The following SH3BGR variants were observed in gnomAD, a reference collection of about 807,000 sequenced individuals.
SH3BGR encodes SH3 domain binding glutamate rich protein.
A neutral mutation model predicts 24.5 loss-of-function variants in SH3BGR; 29 were observed. The ratio of observed to expected loss-of-function variants is 1.18; its 90% CI spans 0.88 to 1.61. The LOEUF (loss-of-function observed/expected upper bound fraction) is 1.61. SH3BGR is among the 40% of genes most tolerant of loss of function. The pLI, the probability that SH3BGR is intolerant of heterozygous loss-of-function variation, is 0.00. For missense variants in SH3BGR, 162 were observed against 205.8 expected, an observed-to-expected ratio of 0.79 and a Z score of 1.30; for synonymous variants, 55 against 65.7, an observed-to-expected ratio of 0.84 and a Z score of 0.79.
Position 39,491,218 on chromosome 21 carries a change from C to T in SH3BGR, c.313-8605C>T, listed in dbSNP as rs192273318. ...TTTATTTTTAGAGACGGAGTGATCT[C>T]GGCTCACTGCAACCTCCGCCTCCCA... On this transcript the variant is annotated intron_variant, in intron 3 of 6. Transcript: ENST00000333634. Among the ~76,000 whole-genome samples, 401 of 151,556 alleles carry T rather than the reference C, an allele frequency of 2.6e-3. 2 individuals carry two copies. The highest frequency in any genetic ancestry group is 9.0e-3 in the African/African-American group (371 of 41,284).
intron 4 of SH3BGR, 48 bp downstream of exon 4, chr21:39,499,963 C>T (rs774782842): frequency 1.8e-5 from 24 of 1,351,384 alleles, no homozygotes; most frequent in African/African-American, 1.3e-4. Flanking sequence ...CTCTGCTGTT[C>T]GAGACTTTTA....
intron 3 of SH3BGR, among the ~76,000 whole-genome samples, chr21:39,482,720 A>T (rs1569162741): frequency 6.6e-6 from 1 of 152,006 alleles, no homozygotes; most frequent in Non-Finnish European, 1.5e-5. Context: ...CCCAGGCTGG[A>T]ATGCGGTTGC....
chr21:39,511,502 G>A lies in SH3BGR; in HGVS notation c.436-178G>A, dbSNP rs914644849. 3.3e-5 allele frequency among the ~76,000 whole-genome samples: 5 copies of A among 149,680 alleles called. No individual in the cohort carries two copies. Among genetic ancestry groups the A allele is most frequent in the Admixed American group, 1.3e-4 (2 of 15,008 alleles). ...GGTATGTGTGTGGGGTGTGTGTGTGGCATGTGTTTGTGTGGCATGTGTGGT... is the reference window on the plus strand; with the variant it reads ...GGTATGTGTGTGGGGTGTGTGTGTGACATGTGTTTGTGTGGCATGTGTGGT... On this transcript the variant is annotated intron_variant, in intron 5 of 6. Coordinates refer to ENST00000333634, the MANE Select transcript of SH3BGR (RefSeq NM_007341.3). This position sits in a 1 kb window ranked among gnomAD's most constrained non-coding sequence, Gnocchi z 4.2.
intron 3 of SH3BGR, among the ~76,000 whole-genome samples, chr21:39,494,333 C>T (rs2078357611): frequency 6.6e-6 from 1 of 151,482 alleles, no homozygotes; most frequent in African/African-American, 2.4e-5. Flanking sequence ...GTGAAGTTTC[C>T]ATCTGGTGTC....
intron 4 of SH3BGR, among the ~76,000 whole-genome samples, chr21:39,503,144 C>G (rs2078525025): frequency 1.3e-5 from 2 of 152,214 alleles, no homozygotes; most frequent in South Asian, 2.1e-4. Context: ...CCCTCTACCC[C>G]CTCAGCTTTG....
intron 6 of SH3BGR, among the ~76,000 whole-genome samples, chr21:39,514,222 A>C (rs958451208): frequency 6.6e-6 from 1 of 152,114 alleles, no homozygotes; most frequent in Non-Finnish European, 1.5e-5. Flanking sequence ...CCAAAAACAA[A>C]CCCATCTCAT....
At position 39,452,160 on chromosome 21, in the gene SH3BGR, C is replaced by A. The variant is rs2077585328; in HGVS notation, c.45+19C>A. ...CATAGCGGTAGGTGTCTGGTGGACT[C>A]TTTCTTCCTATACTCTTTTCTGAAT... On this transcript the variant is annotated intron_variant, in intron 1 of 6. Transcript: ENST00000333634. 1 of 1,613,984 alleles carries A rather than the reference C, an allele frequency of 6.2e-7. No homozygotes were observed. The highest frequency in any genetic ancestry group is 8.5e-7 in the Non-Finnish European group (1 of 1,179,962).
Position 39,511,853 on chromosome 21 carries a change from C to G in SH3BGR, c.*34+44C>G. 6.5e-7 allele frequency: 1 copy of G among 1,541,928 alleles called. No homozygotes were observed. Among genetic ancestry groups the G allele is most frequent in the Non-Finnish European group, 8.7e-7 (1 of 1,146,490 alleles). On this transcript the variant is annotated intron_variant, in intron 6 of 6. Transcript: ENST00000333634. The surrounding 1 kb of genome is among the most constrained non-coding windows in gnomAD (Gnocchi z 4.2). ...GGTGGAAAAGCTGCTAGTTACCGTA[C>G]TGTATGCTATCTGCGGCACATTTTG...
intron 5 of SH3BGR, among the ~76,000 whole-genome samples, chr21:39,510,830 A>C (rs1218931637): frequency 6.7e-6 from 1 of 149,364 alleles, no homozygotes; most frequent in Non-Finnish European, 1.5e-5. Flanking sequence ...TTACAAGAAA[A>C]TGTAACCAAC....
chr21:39,458,158 T>TTCTTTGTAACAA (rs1419878128), intron 1 of SH3BGR, among the ~76,000 whole-genome samples: 2 of 152,162 alleles, frequency 1.3e-5, no homozygotes, highest in African/African-American at 4.8e-5. Flanking sequence ...CCTCAAAGTG[T>TTCTTTGTAACAA]AGTCCTTCTT....
chr21:39,453,215 A>G (rs543057559), intron 1 of SH3BGR, among the ~76,000 whole-genome samples: 2 of 152,306 alleles, frequency 1.3e-5, no homozygotes, highest in South Asian at 4.1e-4. Flanking sequence ...AGCAAGAGAA[A>G]ATAGCTTGGC....
At chr21:39,481,605 T>C (rs1479414381) in intron 3 of SH3BGR, among the ~76,000 whole-genome samples, 2 of 152,222 alleles carry the variant, frequency 1.3e-5, no homozygotes, top group Non-Finnish European at 2.9e-5. Context: ...CGCTTAAGTC[T>C]ATTAAAATTA....
rs575260270 is a variant in SH3BGR, at chr21:39,492,466, G to GTA, written c.313-7342_313-7341dup. Among the ~76,000 whole-genome samples the GTA allele has an allele frequency of 1.7e-3, 242 of 139,764 alleles. 5 individuals are homozygous for GTA. The South Asian group carries it at 0.03, about 17-fold the overall frequency. 91.7% of individuals were successfully genotyped at this position (139,764 alleles called of 152,430 possible). The stretch of plus-strand genomic sequence containing the variant: ...TTGGTGTGTGTGTGTGTGTGTGTGT[G>GTA]TATATATATATATATACACACACAC... On this transcript the variant is annotated intron_variant, in intron 3 of 6. Transcript: ENST00000333634.
In SH3BGR at chr21:39,511,638, C is replaced by T; in HGVS notation, c.436-42C>T. On this transcript the variant is annotated intron_variant, in intron 5 of 6. Transcript: ENST00000333634. This position sits in a 1 kb window ranked among gnomAD's most constrained non-coding sequence, Gnocchi z 4.2. ...GTCTTTTTCTCACTGTATCCTTGGC[C>T]CTTATGCTTCTTAATACTAATGTAA... 6.3e-7 allele frequency: 1 copy of T among 1,597,620 alleles called. No individual in the cohort carries two copies. The highest frequency in any genetic ancestry group is 8.5e-7 in the Non-Finnish European group (1 of 1,173,106).
intron 4 of SH3BGR, among the ~76,000 whole-genome samples, chr21:39,507,151 A>T (rs2078597087): frequency 6.6e-6 from 1 of 152,160 alleles, no homozygotes; most frequent in Non-Finnish European, 1.5e-5. Context: ...TAGTTTGAAG[A>T]TTCCCAGTGC....
At chr21:39,458,566 G>T (rs1256726975) in intron 1 of SH3BGR, among the ~76,000 whole-genome samples, 1 of 151,568 alleles carries the variant, frequency 6.6e-6, no homozygotes, top group African/African-American at 2.4e-5. Flanking sequence ...TCAAACTCCT[G>T]ACCTCAGGTG....
Position 39,511,575 on chromosome 21 carries a change from G to A in SH3BGR, c.436-105G>A, listed in dbSNP as rs1410577714. 18 of 1,003,002 alleles carry A rather than the reference G, an allele frequency of 1.8e-5. No individual in the cohort carries two copies. Among genetic ancestry groups the A allele is most frequent in the Non-Finnish European group, 2.5e-5 (17 of 670,988 alleles). The allele number at this position is 1,003,002 out of a possible 1,614,324, so 62.1% of individuals were successfully genotyped here. On this transcript the variant is annotated intron_variant, in intron 5 of 6. Transcript: ENST00000333634. The surrounding 1 kb of genome is among the most constrained non-coding windows in gnomAD (Gnocchi z 4.2). Reference sequence around the variant, plus strand: ...TGTTTGTTTGTGTGTTGTGTGGTGGGGTGTGGGAGGCTTTGACCTCTAGTC... The same window carrying A: ...TGTTTGTTTGTGTGTTGTGTGGTGGAGTGTGGGAGGCTTTGACCTCTAGTC...
chr21:39,461,859 A>AT (rs1470713530), intron 1 of SH3BGR, among the ~76,000 whole-genome samples: 2 of 151,890 alleles, frequency 1.3e-5, no homozygotes, highest in South Asian at 2.1e-4. Flanking sequence ...ATTTATTTAT[A>AT]TTTTTTTGGG....
chr21:39,501,008 C>A (rs2078485593), intron 4 of SH3BGR, among the ~76,000 whole-genome samples: 1 of 152,176 alleles, frequency 6.6e-6, no homozygotes, highest in Admixed American at 6.5e-5. Flanking sequence ...AATCTTCAAT[C>A]TTGACCTAGA....
Sources: gnomAD v4.1 joint callset for allele counts (sites outside exome capture counted in the v4.1 genomes callset) on GRCh38, gnomAD v4.1.1 for gene constraint, Gnocchi (gnomAD v3.1) non-coding constraint, MANE v1.5 for transcripts, NCBI Gene and HGNC (gene_info 2026-07-23, HGNC 2026-07-21) for gene names.